The following SLC4A4 variants were observed in gnomAD, a reference collection of about 807,000 sequenced individuals.
SLC4A4 encodes solute carrier family 4 member 4.
In SLC4A4, 27 loss-of-function variants were observed where a neutral mutation model predicts 111.5. That is an observed-to-expected ratio of 0.24 (90% CI 0.18 to 0.33). The LOEUF (loss-of-function observed/expected upper bound fraction) is 0.33, where lower values mean the gene tolerates loss of function less well. Among genes scored for constraint, SLC4A4 ranks in the 10% least tolerant of loss-of-function variants. The pLI is 1.00. For missense variants in SLC4A4, 909 were observed against 1,315.5 expected, an observed-to-expected ratio of 0.69 and a Z score of 4.78; for synonymous variants, 443 against 463.4, an observed-to-expected ratio of 0.96 and a Z score of 0.57.
rs888503616 is a variant in SLC4A4 at position 71,085,898 on chromosome 4, G to T, written c.-64-6832G>T. Reference sequence around the variant, plus strand: ...ACTTGGCAATGTGGGCTCTTTTTTGGTTCCATATGAACTTTAAAGTAGTTT... The same window carrying T: ...ACTTGGCAATGTGGGCTCTTTTTTGTTTCCATATGAACTTTAAAGTAGTTT... On this transcript the variant is annotated intron_variant, in intron 1 of 26. Transcript: ENST00000649996. 4.4e-4 allele frequency among the ~76,000 whole-genome samples: 67 copies of T among 151,998 alleles called. 1 individual carries two copies. Among genetic ancestry groups the T allele is most frequent in the African/African-American group, 1.5e-3 (64 of 41,384 alleles).
At chr4:71,153,277 C>T (rs1744367580) in intron 2 of SLC4A4, among the ~76,000 whole-genome samples, 1 of 151,926 alleles carries the variant, frequency 6.6e-6, no homozygotes, top group Admixed American at 6.6e-5. Context: ...ATGGTGCCCA[C>T]CCACGTTAAG....
At position 71,254,789 on chromosome 4, in the gene SLC4A4, C is replaced by A. The variant is rs1166131610; in HGVS notation, c.74-431C>A. Among the ~76,000 whole-genome samples the A allele has an allele frequency of 2.6e-5, 4 of 152,216 alleles. No individual in the cohort carries two copies. In the South Asian group the frequency reaches 8.3e-4, roughly 32 times the overall value. On this transcript the variant is annotated intron_variant, in intron 2 of 25. Coordinates refer to ENST00000264485, the MANE Select transcript of SLC4A4 (RefSeq NM_001098484.3). The stretch of plus-strand genomic sequence containing the variant: ...ACCCTACCCAGTATAATCATAGACT[C>A]ATGTAAGGCTGAAACTGGAGGGCCC...
chr4:71,182,930 T>G (rs1443050705), upstream of SLC4A4, among the ~76,000 whole-genome samples: 1 of 152,182 alleles, frequency 6.6e-6, no homozygotes, highest in African/African-American at 2.4e-5. Flanking sequence ...GTGTCCTGTG[T>G]TATGCTGATC....
At chr4:71,424,294 T>C (rs1231953716) in intron 7 of SLC4A4, among the ~76,000 whole-genome samples, 13 of 151,896 alleles carry the variant, frequency 8.6e-5, no homozygotes, top group African/African-American at 2.2e-4. Context: ...CAATGAGATA[T>C]CATCTCACAC....
chr4:71,203,619 C>A (rs963916137), intron 1 of SLC4A4, among the ~76,000 whole-genome samples: 4 of 152,144 alleles, frequency 2.6e-5, no homozygotes, highest in Non-Finnish European at 5.9e-5. Context: ...ACATGCATTT[C>A]TCAATCTTGG....
At chr4:71,149,771 T>G (rs1430377614) in intron 2 of SLC4A4, among the ~76,000 whole-genome samples, 1 of 152,178 alleles carries the variant, frequency 6.6e-6, no homozygotes, top group Non-Finnish European at 1.5e-5. Flanking sequence ...GATTCACTGT[T>G]TACTAATGGC....
At chr4:71,243,308 T>C (rs1318970525) in intron 2 of SLC4A4, among the ~76,000 whole-genome samples, 1 of 152,206 alleles carries the variant, frequency 6.6e-6, no homozygotes, top group East Asian at 1.9e-4. Flanking sequence ...TTATGTAATT[T>C]AGGTGCCAAT....
intron 8 of SLC4A4, among the ~76,000 whole-genome samples, chr4:71,441,541 C>T (rs1724712387): frequency 6.6e-6 from 1 of 151,904 alleles, no homozygotes; most frequent in South Asian, 2.1e-4. Context: ...GAGTTGTTTT[C>T]TGTGGGTTCC....
At chr4:71,334,266 C>G (rs189905336) in intron 3 of SLC4A4, among the ~76,000 whole-genome samples, 16 of 152,126 alleles carry the variant, frequency 1.1e-4, no homozygotes, top group African/African-American at 3.6e-4. Flanking sequence ...ACTTTCAAAG[C>G]AGGAGGTTCC....
intron 1 of SLC4A4, among the ~76,000 whole-genome samples, chr4:71,070,935 A>C (rs1008873637): frequency 6.6e-6 from 1 of 150,952 alleles, no homozygotes; most frequent in Non-Finnish European, 1.5e-5. Context: ...TTTCTCAGTA[A>C]GTTTCAGAAA....
At chr4:71,379,188 A>G (rs189751811) in intron 6 of SLC4A4, among the ~76,000 whole-genome samples, 153 of 152,002 alleles carry the variant, frequency 1.0e-3, no homozygotes, top group Admixed American at 3.4e-3. Context: ...TTTAGTGATG[A>G]CTCTCTATCA....
intron 25 of SLC4A4, 113 bp downstream of exon 25, chr4:71,567,196 A>T (rs1256710614): frequency 1.2e-6 from 1 of 865,924 alleles, no homozygotes; most frequent in East Asian, 2.7e-5. Flanking sequence ...TCTATTATTT[A>T]TCTTAAATAA....
rs530475265 is a variant in SLC4A4, at chr4:71,077,851, C to T, written c.-64-14879C>T. ...CCCCTAGTTCCTTCCAACAAAAATA[C>T]ACTTTTAAGCATTTTCCCATACATT... On this transcript the variant is annotated intron_variant, in intron 1 of 26. Coordinates refer to the SLC4A4 transcript ENST00000649996. Among the ~76,000 whole-genome samples, 105 of 152,276 alleles carry T rather than the reference C, an allele frequency of 6.9e-4. No individual in the cohort carries two copies. In the Middle Eastern group the frequency reaches 0.01, roughly 15 times the overall value.
intron 14 of SLC4A4, among the ~76,000 whole-genome samples, chr4:71,484,342 A>AT (rs1473088317): frequency 1.3e-5 from 2 of 151,736 alleles, no homozygotes; most frequent in Non-Finnish European, 2.9e-5. Context: ...TCTTGAGTTA[A>AT]TTTTTTTATG....
intron 3 of SLC4A4, among the ~76,000 whole-genome samples, chr4:71,311,655 T>A (rs1390870001): frequency 9.9e-5 from 15 of 152,048 alleles, no homozygotes; most frequent in Admixed American, 9.8e-4. Context: ...AGACAAAACA[T>A]ACTGGAATCT....
chr4:71,338,551 C>T (rs146019277), intron 3 of SLC4A4, among the ~76,000 whole-genome samples: 20 of 149,600 alleles, frequency 1.3e-4, no homozygotes, highest in Middle Eastern at 3.5e-3. Context: ...CTTCTTTCGT[C>T]GTCTTCTTCT....
intron 3 of SLC4A4, among the ~76,000 whole-genome samples, chr4:71,294,847 A>G (rs991393523): frequency 3.3e-5 from 5 of 152,248 alleles, no homozygotes; most frequent in Non-Finnish European, 7.3e-5. Context: ...TGTTATAAAT[A>G]TAATATGCAG....
intron 2 of SLC4A4, among the ~76,000 whole-genome samples, chr4:71,145,607 T>C (rs1744141872): frequency 6.6e-6 from 1 of 152,192 alleles, no homozygotes; most frequent in Non-Finnish European, 1.5e-5. Context: ...AGCTATTAAT[T>C]ATTGCCTCAA....
At chr4:71,230,417 C>A (rs1719340046) in intron 1 of SLC4A4, among the ~76,000 whole-genome samples, 1 of 152,202 alleles carries the variant, frequency 6.6e-6, no homozygotes, top group Non-Finnish European at 1.5e-5. Flanking sequence ...GTGTGCGTCA[C>A]TTTGGTGTGC....
Sources: allele counts gnomAD v4.1 joint callset (sites outside exome capture counted in the v4.1 genomes callset), GRCh38; gene constraint gnomAD v4.1.1; transcripts MANE v1.5; gene names NCBI Gene and HGNC (gene_info 2026-07-23, HGNC 2026-07-21).